The following PPP1R15B variants were observed in gnomAD, a reference collection of about 807,000 sequenced individuals.
PPP1R15B encodes protein phosphatase 1 regulatory subunit 15B, also known as protein phosphatase 1, regulatory (inhibitor) subunit 15B.
Under a neutral mutation model 53.9 loss-of-function variants are expected in PPP1R15B, and 31 were observed. The ratio of observed to expected loss-of-function variants is 0.58; its 90% confidence interval spans 0.43 to 0.78. The LOEUF (loss-of-function observed/expected upper bound fraction) is 0.78. Among genes scored for constraint, PPP1R15B ranks in the 30% least tolerant of loss-of-function variants. The probability of loss-of-function intolerance (pLI) is 0.00; values close to 1 mark genes in which losing one functional copy is unlikely to be tolerated. For missense variants in PPP1R15B, 928 were observed against 849.6 expected, an observed-to-expected ratio of 1.09 and a Z score of -1.15; for synonymous variants, 345 against 329.1, an observed-to-expected ratio of 1.05 and a Z score of -0.52.
In PPP1R15B at chr1:204,409,875, CCTT is replaced by C. The variant is rs758421073; in HGVS notation, c.1534_1536del (p.Lys512del). The C allele has an allele frequency of 6.2e-6, 10 of 1,613,996 alleles. No homozygotes were observed. The highest frequency in any genetic ancestry group is 1.3e-5 in the African/African-American group (1 of 74,920). On this transcript the variant is annotated inframe_deletion, in exon 1 of 2. Coordinates refer to ENST00000367188, the MANE Select transcript of PPP1R15B (RefSeq NM_032833.5). The stretch of plus-strand genomic sequence containing the variant: ...TCTAGATCAGACTTGCCAGACAAAT[CCTT>C]CTCTGAATCAGAAGGCTCTTCAGGA...
At chr1:204,398,709 C>A (rs1163379028), downstream of PPP1R15B, among the ~76,000 whole-genome samples, 1 of 152,048 alleles carries the variant, frequency 6.6e-6, no homozygotes, top group Admixed American at 6.6e-5. Flanking sequence ...ATCAGGCACT[C>A]CCAGATGGAA....
chr1:204,398,274 T>C (rs1352346689), downstream of PPP1R15B, among the ~76,000 whole-genome samples: 1 of 152,160 alleles, frequency 6.6e-6, no homozygotes, highest in Non-Finnish European at 1.5e-5. Context: ...AGCCAGGAGT[T>C]TGAGACCAGC....
In PPP1R15B at chr1:204,404,595, TGGA is replaced by T; in HGVS notation, c.*1494_*1496del. On this transcript the variant is annotated 3_prime_UTR_variant, in exon 2 of 2. Coordinates refer to ENST00000367188, the MANE Select transcript of PPP1R15B (RefSeq NM_032833.5). Reference sequence around the variant, plus strand: ...TGTTTAATTATGAATATATAAACAGTGGAGGCAGTTCTTAGAACTGGATAGAAA... The same window carrying T: ...TGTTTAATTATGAATATATAAACAGTGGCAGTTCTTAGAACTGGATAGAAA... 2 of 985,076 alleles carry T rather than the reference TGGA, an allele frequency of 2.0e-6. No homozygotes were observed. The highest frequency in any genetic ancestry group is 2.4e-6 in the Non-Finnish European group (2 of 829,322). 61.0% of individuals were successfully genotyped at this position (985,076 alleles called of 1,614,324 possible).
downstream of PPP1R15B, among the ~76,000 whole-genome samples, chr1:204,402,965 G>A (rs1264304184): frequency 2.0e-5 from 3 of 151,990 alleles, no homozygotes; most frequent in African/African-American, 4.8e-5. Context: ...CCAGCTACTC[G>A]GGAGGCTGAG....
downstream of PPP1R15B, among the ~76,000 whole-genome samples, chr1:204,401,123 A>G (rs760405754): frequency 1.2e-4 from 18 of 152,158 alleles, no homozygotes; most frequent in Non-Finnish European, 2.5e-4. Flanking sequence ...CCTACTCTCA[A>G]CTGCCTTCTC....
At position 204,404,462 on chromosome 1, in the gene PPP1R15B, G is replaced by A; in HGVS notation, c.*1630C>T. 2 of 895,712 alleles carry A rather than the reference G, an allele frequency of 2.2e-6. No individual in the cohort carries two copies. The highest frequency in any genetic ancestry group is 2.7e-6 in the Non-Finnish European group (2 of 748,514). The allele number at this position is 895,712 out of a possible 1,614,324, so 55.5% of individuals were successfully genotyped here. Reference sequence around the variant, plus strand: ...ATCGCGCCACTGCACTCCAAGCTGGGGGACCGAACGAGACTCTGTCTCAAA... The same window carrying A: ...ATCGCGCCACTGCACTCCAAGCTGGAGGACCGAACGAGACTCTGTCTCAAA... On this transcript the variant is annotated 3_prime_UTR_variant, in exon 2 of 2. Transcript: ENST00000367188.
chr1:204,402,211 C>T (rs1674189430), downstream of PPP1R15B, among the ~76,000 whole-genome samples: 1 of 152,172 alleles, frequency 6.6e-6, no homozygotes, highest in Non-Finnish European at 1.5e-5. Context: ...CCTTCCAGTT[C>T]AGAAATATAT....
intron 1 of PPP1R15B, among the ~76,000 whole-genome samples, chr1:204,407,674 GTTT>G (rs1674288882): frequency 6.6e-6 from 1 of 152,108 alleles, no homozygotes; most frequent in African/African-American, 2.4e-5. Flanking sequence ...AACGTACAGT[GTTT>G]ACCATATACC....
chr1:204,401,590 G>A (rs548484778), downstream of PPP1R15B, among the ~76,000 whole-genome samples: 152 of 152,158 alleles, frequency 1.0e-3, 4 homozygotes, highest in South Asian at 0.029. Flanking sequence ...TGCATTATGA[G>A]AAAAAAATGA....
chr1:204,402,650 GGCC>G (rs1294754586), downstream of PPP1R15B, among the ~76,000 whole-genome samples: 4 of 151,786 alleles, frequency 2.6e-5, no homozygotes, highest in Non-Finnish European at 5.9e-5. Context: ...TTGAACTCCA[GGCC>G]TCAAGCAATC....
downstream of PPP1R15B, among the ~76,000 whole-genome samples, chr1:204,396,323 C>A (rs1252747710): frequency 7.4e-6 from 1 of 134,958 alleles, no homozygotes; most frequent in Non-Finnish European, 1.6e-5. Context: ...GCCTGGGCAA[C>A]ATGCCAAAAC....
rs1311972729 is a variant in PPP1R15B, at chr1:204,409,506, C to A, written c.1906G>T (p.Val636Phe). Residue 636 changes from valine (V) to phenylalanine (F), a missense_variant, in exon 1 of 2, where the codon GTC becomes TTC. By Grantham distance (50) the Val-to-Phe change is conservative (BLOSUM62 -1). Transcript: ENST00000367188. ...DVLSGGRHTH[V>F]KRKKVTFLEE... ...AAGAAACAAACCTTTTTTCTTTTGACATGTGTGTGTCTTCCTCCAGAAAGA... is the reference window on the plus strand; with the variant it reads ...AAGAAACAAACCTTTTTTCTTTTGAAATGTGTGTGTCTTCCTCCAGAAAGA... The A allele has an allele frequency of 5.0e-6, 8 of 1,604,674 alleles. No individual in the cohort carries two copies. Among genetic ancestry groups the A allele is most frequent in the Non-Finnish European group, 6.8e-6 (8 of 1,176,522 alleles).
Position 204,411,438 on chromosome 1 carries a change from T to C in PPP1R15B, c.-27A>G, listed in dbSNP as rs201766330. The C allele has an allele frequency of 1.9e-5, 30 of 1,596,328 alleles. No homozygotes were observed. Among genetic ancestry groups the C allele is most frequent in the Admixed American group, 6.8e-5 (4 of 58,712 alleles). Reference sequence around the variant, plus strand: ...TCCTTTTTCTTGACAGTCTCTCAGGTAGGGCCGCGGCGCTCAGCGGCTGGA... The same window carrying C: ...TCCTTTTTCTTGACAGTCTCTCAGGCAGGGCCGCGGCGCTCAGCGGCTGGA... On this transcript the variant is annotated 5_prime_UTR_variant, in exon 1 of 2. Transcript: ENST00000367188.
At chr1:204,409,426 C>T in intron 1 of PPP1R15B, 66 bp downstream of exon 1, 3 of 1,507,902 alleles carry the variant, frequency 2.0e-6, no homozygotes, top group Non-Finnish European at 1.8e-6. Context: ...CAAAGTCATG[C>T]TGCTATATTT....
Position 204,410,736 on chromosome 1 carries a change from A to T in PPP1R15B, c.676T>A (p.Ser226Thr). ...FSVVSYLLNP[S>T]YLDCFPRLEV... ...AGCCTAGGAAAGCAGTCCAGGTAGG[A>T]AGGGTTCAGCAAATAGGATACCACA... The change falls in exon 1 of 2, where the codon TCC becomes ACC. Residue 226 changes from serine (S) to threonine (T), a missense_variant. By Grantham distance (58) the Ser-to-Thr change is moderately conservative. Coordinates refer to ENST00000367188, the MANE Select transcript of PPP1R15B (RefSeq NM_032833.5). 1 of 1,614,166 alleles carries T rather than the reference A, an allele frequency of 6.2e-7. No homozygotes were observed. The highest frequency in any genetic ancestry group is 8.5e-7 in the Non-Finnish European group (1 of 1,180,032).
Position 204,410,524 on chromosome 1 carries a change from A to C in PPP1R15B, c.888T>G (p.Leu296=), listed in dbSNP as rs1489571984. Residue 296 remains leucine, a synonymous_variant, in exon 1 of 2, where the codon CTT becomes CTG. Coordinates refer to ENST00000367188, the MANE Select transcript of PPP1R15B (RefSeq NM_032833.5). Reference sequence around the variant, plus strand: ...GAAGGAATTCCAGCCGTTTCATGCGAAGATGGTGAATTTCTGGTAGGCCTT... The same window carrying C: ...GAAGGAATTCCAGCCGTTTCATGCGCAGATGGTGAATTTCTGGTAGGCCTT... ...STEGLPEIHH[L]RMKRLEFLQQ... is the part of the protein sequence containing the mutation. 2 of 1,614,044 alleles carry C rather than the reference A, an allele frequency of 1.2e-6. No homozygotes were observed. The highest frequency in any genetic ancestry group is 1.7e-6 in the Non-Finnish European group (2 of 1,180,026).
chr1:204,407,111 G>A (rs1452110723), intron 1 of PPP1R15B, among the ~76,000 whole-genome samples: 1 of 152,006 alleles, frequency 6.6e-6, no homozygotes, highest in East Asian at 1.9e-4. Flanking sequence ...ACTGCATAAA[G>A]GCTTTAACAA....
Position 204,410,995 on chromosome 1 carries a change from G to C in PPP1R15B, c.417C>G (p.Pro139=). The change falls in exon 1 of 2, where the codon CCC becomes CCG. Residue 139 remains proline, a synonymous_variant. Transcript: ENST00000367188. ...LDSSDPSVTS[P]LDWLEEGIHW... is the part of the protein sequence containing the mutation. ...GGATCCCCTCCTCTAGCCAATCAAG[G>C]GGACTGGTGACCGAGGGGTCTGAGG... The C allele has an allele frequency of 1.2e-6, 2 of 1,614,186 alleles. No homozygotes were observed. Among genetic ancestry groups the C allele is most frequent in the Non-Finnish European group, 1.7e-6 (2 of 1,180,040 alleles).
chr1:204,407,686 CCAGGCTTTTTTT>C (rs1674289065), intron 1 of PPP1R15B, among the ~76,000 whole-genome samples: 1 of 152,078 alleles, frequency 6.6e-6, no homozygotes, highest in African/African-American at 2.4e-5. Context: ...TTACCATATA[CCAGGCTTTTTTT>C]AAAGAGCTTT....
Sources: allele counts gnomAD v4.1 joint callset (sites outside exome capture counted in the v4.1 genomes callset), GRCh38; gene constraint gnomAD v4.1.1; transcripts MANE v1.5; gene names NCBI Gene and HGNC (gene_info 2026-07-23, HGNC 2026-07-21).